Variants in ZNF608 observed in about 807,000 individuals in gnomAD.
ZNF608 encodes the protein zinc finger protein 608, also known as renal carcinoma antigen NY-REN-36.
In ZNF608, 12 loss-of-function variants were observed where a neutral mutation model predicts 109.0. That is an observed-to-expected ratio of 0.11 (90% CI 0.07 to 0.18). The LOEUF (loss-of-function observed/expected upper bound fraction) is 0.18, where lower values mean the gene tolerates loss of function less well. Ranked by LOEUF, ZNF608 falls within the 10% of genes least tolerant of loss-of-function variation. ZNF608 has a pLI of 1.00. For synonymous variants in ZNF608, 732 were observed against 717.4 expected (o/e 1.02, Z -0.33); for missense variants, 1,707 against 1,879.3 (o/e 0.91, Z 1.70).
intron 3 of ZNF608, among the ~76,000 whole-genome samples, chr5:124,669,239 A>T (rs1751614004): frequency 6.6e-6 from 1 of 152,200 alleles, no homozygotes; most frequent in Non-Finnish European, 1.5e-5. Flanking sequence ...ATCACATTAC[A>T]AAATAGAGTT....
intron 2 of ZNF608, among the ~76,000 whole-genome samples, chr5:124,701,846 T>C (rs1753064035): frequency 6.6e-6 from 1 of 152,214 alleles, no homozygotes; most frequent in Non-Finnish European, 1.5e-5. Flanking sequence ...CAACTCCTAA[T>C]TAAGCATTCT....
At chr5:124,676,425 T>C (rs531692366) in intron 3 of ZNF608, among the ~76,000 whole-genome samples, 3 of 152,354 alleles carry the variant, frequency 2.0e-5, no homozygotes, top group African/African-American at 7.2e-5. Context: ...CAATGACTTA[T>C]CTAGACCGCT....
Position 124,737,113 on chromosome 5 carries a change from C to T in ZNF608, c.906+6971G>A, listed in dbSNP as rs527483118. On this transcript the variant is annotated intron_variant, in intron 2 of 9. Coordinates refer to ENST00000513986, the MANE Select transcript of ZNF608 (RefSeq NM_020747.3). ...AAGTAAAATTATACGTCTGTGGCAC[C>T]ATGCCATCTGCTCTCTGGTTAGCAT... is the stretch of plus-strand genomic sequence containing the variant. 3.9e-5 allele frequency among the ~76,000 whole-genome samples: 6 copies of T among 152,302 alleles called. No homozygotes were observed. In the East Asian group the frequency reaches 7.7e-4, roughly 20 times the overall value.
At chr5:124,709,072 G>A (rs1753381379) in intron 2 of ZNF608, among the ~76,000 whole-genome samples, 1 of 150,202 alleles carries the variant, frequency 6.7e-6, no homozygotes, top group South Asian at 2.1e-4. Flanking sequence ...TCGGGAGGCT[G>A]AGGCAGGAGA....
intron 2 of ZNF608, chr5:124,734,964 GAA>G (rs1468001945): frequency 6.6e-6 from 1 of 152,168 alleles, no homozygotes; most frequent in African/African-American, 2.4e-5. Flanking sequence ...TGAAAAGATG[GAA>G]AAGTCTTATT....
At chr5:124,669,133 T>C (rs545448263) in intron 3 of ZNF608, among the ~76,000 whole-genome samples, 12 of 151,766 alleles carry the variant, frequency 7.9e-5, no homozygotes, top group Admixed American at 5.2e-4. Flanking sequence ...CTGCCTCTGG[T>C]AAATATGACC....
At chr5:124,746,022 A>C (rs1347915035) in intron 1 of ZNF608, 173 bp downstream of exon 1, 1 of 524,782 alleles carries the variant, frequency 1.9e-6, no homozygotes, top group East Asian at 1.5e-4. Flanking sequence ...TAAGACATAC[A>C]CTTTAAGTGA....
intron 3 of ZNF608, among the ~76,000 whole-genome samples, chr5:124,690,728 C>A (rs1310782152): frequency 6.6e-6 from 1 of 151,616 alleles, no homozygotes; most frequent in Non-Finnish European, 1.5e-5. Context: ...ATGATCTGAA[C>A]TAAAGACACT....
intron 2 of ZNF608, among the ~76,000 whole-genome samples, chr5:124,743,030 C>A (rs956434238): frequency 6.6e-6 from 1 of 152,188 alleles, no homozygotes; most frequent in African/African-American, 2.4e-5. Flanking sequence ...CCTTCCCAAC[C>A]TGCCTAGTGG....
At chr5:124,692,685 G>C (rs1434095835) in intron 3 of ZNF608, among the ~76,000 whole-genome samples, 1 of 152,144 alleles carries the variant, frequency 6.6e-6, no homozygotes, top group African/African-American at 2.4e-5. Context: ...TGAAGAGCAA[G>C]GGCTCTGAAA....
At position 124,647,640 on chromosome 5, in the gene ZNF608, G is replaced by C; in HGVS notation, c.2744C>G (p.Pro915Arg). Residue 915 changes from proline to arginine, a missense_variant, in exon 5 of 10, where the codon CCA (proline) becomes CGA (arginine). Transcript: ENST00000513986. ...GGTCAACACATGCAGAGGTGCCATT[G>C]GTGCCTGCCCGTTCACCAAAGTGCT... is the stretch of plus-strand genomic sequence containing the variant. Reference protein sequence around the residue: ...ECSTLVNGQAPMAPLHVLTQN... With the variant: ...ECSTLVNGQARMAPLHVLTQN... 6.2e-7 allele frequency: 1 copy of C among 1,614,196 alleles called. No homozygotes were observed. Among genetic ancestry groups the C allele is most frequent in the Non-Finnish European group, 8.5e-7 (1 of 1,180,046 alleles).
At chr5:124,722,952 G>A (rs1753990125) in intron 2 of ZNF608, among the ~76,000 whole-genome samples, 1 of 151,592 alleles carries the variant, frequency 6.6e-6, no homozygotes, top group Non-Finnish European at 1.5e-5. Flanking sequence ...AACCCAAGAA[G>A]GTATGTATCA....
chr5:124,738,700 A>G (rs1235685679), intron 2 of ZNF608, among the ~76,000 whole-genome samples: 2 of 152,212 alleles, frequency 1.3e-5, no homozygotes, highest in African/African-American at 2.4e-5. Context: ...AACAGATTTT[A>G]TCCCCCTCCC....
chr5:124,665,050 C>T (rs2149807218), intron 3 of ZNF608, among the ~76,000 whole-genome samples: 1 of 152,198 alleles, frequency 6.6e-6, no homozygotes, highest in African/African-American at 2.4e-5. Context: ...TGGTGGGTGC[C>T]TGTAATCCCA....
Position 124,647,426 on chromosome 5 carries a change from T to C in ZNF608, c.2958A>G (p.Ser986=), listed in dbSNP as rs200887236. 3.0e-5 allele frequency: 48 copies of C among 1,614,218 alleles called. No individual in the cohort carries two copies. The East Asian group carries it at 1.0e-3, about 34-fold the overall frequency. The part of the protein sequence containing the change: ...VKGHSSTTAQ[S]SQLKESHSPY... ...GAGAATGGGACTCTTTCAGTTGAGA[T>C]GATTGTGCTGTAGTTGAAGAATGCC... is the stretch of plus-strand genomic sequence containing the variant. Residue 986 remains serine, a synonymous_variant, in exon 5 of 10, where the codon TCA becomes TCG. Coordinates refer to ENST00000513986, the MANE Select transcript of ZNF608 (RefSeq NM_020747.3).
chr5:124,649,692 G>A lies in ZNF608; in HGVS notation c.1168C>T (p.Leu390=), dbSNP rs371944261. 3.5e-5 allele frequency: 56 copies of A among 1,591,602 alleles called. No individual in the cohort carries two copies. The highest frequency in any genetic ancestry group is 8.6e-5 in the Admixed American group (5 of 58,392). Residue 390 remains leucine (L), a synonymous_variant, in exon 4 of 10, where the codon CTA becomes TTA. Coordinates refer to ENST00000513986, the MANE Select transcript of ZNF608 (RefSeq NM_020747.3). ...TTCCTCCACGTGACATTGACCACTA[G>A]GACACCTGCAGGAGGCAGGGGATGA... is the stretch of plus-strand genomic sequence containing the variant. ...IVWHETEEGV[L]VVNVTWRNKT...
chr5:124,647,801 A>G lies in ZNF608; in HGVS notation c.2583T>C (p.Asn861=), dbSNP rs1379041396. Residue 861 remains asparagine, a synonymous_variant, in exon 5 of 10, where the codon AAT becomes AAC. Coordinates refer to ENST00000513986, the MANE Select transcript of ZNF608 (RefSeq NM_020747.3). ...GHFLKDHLNK[N]EGLANGLSES... ...CCGACAGTCCATTTGCCAGCCCTTC[A>G]TTCTTGTTGAGATGATCCTTTAAAA... The G allele has an allele frequency of 6.2e-7, 1 of 1,614,130 alleles. No homozygotes were observed. Among genetic ancestry groups the G allele is most frequent in the East Asian group, 2.2e-5 (1 of 44,880 alleles).
intron 7 of ZNF608, among the ~76,000 whole-genome samples, chr5:124,641,824 G>T (rs56981252): frequency 0.017 from 2,513 of 152,198 alleles, 66 homozygotes; most frequent in African/African-American, 0.056. Flanking sequence ...AGTTTTAAAC[G>T]TGTCTGTATA....
At chr5:124,665,699 G>C (rs1052825566) in intron 3 of ZNF608, among the ~76,000 whole-genome samples, 5 of 152,148 alleles carry the variant, frequency 3.3e-5, no homozygotes, top group African/African-American at 1.2e-4. Flanking sequence ...AGTTTTACTG[G>C]ACTATTACAA....
Sources: gnomAD v4.1 joint callset for allele counts (sites outside exome capture counted in the v4.1 genomes callset) on GRCh38, gnomAD v4.1.1 for gene constraint, MANE v1.5 for transcripts, NCBI Gene and HGNC (gene_info 2026-07-23, HGNC 2026-07-21) for gene names.